The following FANK1 variants were observed in gnomAD, a reference collection of about 807,000 sequenced individuals.
FANK1 encodes fibronectin type 3 and ankyrin repeat domains protein 1.
FANK1 carries 44 observed loss-of-function variants against 45.3 expected under a neutral mutation model. The ratio of observed to expected loss-of-function variants is 0.97; its 90% CI spans 0.76 to 1.25. The LOEUF (loss-of-function observed/expected upper bound fraction) is 1.25. Among genes scored for constraint, FANK1 ranks in the 50% most tolerant of loss-of-function variants. FANK1 has a pLI of 0.00. For synonymous variants in FANK1, 149 were observed against 152.5 expected (o/e 0.98, Z 0.17); for missense variants, 391 against 424.4 (o/e 0.92, Z 0.69).
chr10:125,898,466 A>G, intron 1 of FANK1, among the ~76,000 whole-genome samples: 1 of 152,118 alleles, frequency 6.6e-6, no homozygotes, highest in African/African-American at 2.4e-5. Context: ...GGCTCCCAAG[A>G]GGAAGTAGTA....
rs1237418216 is a variant in FANK1, at chr10:125,983,516, TG to T, written c.191+3182del. Among the ~76,000 whole-genome samples, 1 of 152,016 alleles carries T rather than the reference TG, an allele frequency of 6.6e-6. No individual in the cohort carries two copies. The highest frequency in any genetic ancestry group is 1.5e-5 in the Non-Finnish European group (1 of 68,002). ...AGCAGCATAGGAAAAATTGAGGGCC[TG>T]GGGTAGAGGTGGGGAAGTCTTCACC... is the stretch of plus-strand genomic sequence containing the variant. On this transcript the variant is annotated intron_variant, in intron 2 of 10. Transcript: ENST00000368693. This position sits in a 1 kb window ranked among gnomAD's most constrained non-coding sequence, Gnocchi z 4.3.
chr10:125,988,733 A>G (rs1951730333), intron 3 of FANK1, 58 bp downstream of exon 3: 1 of 1,613,614 alleles, frequency 6.2e-7, no homozygotes, highest in Admixed American at 1.7e-5. Flanking sequence ...ATGACAAGCA[A>G]TTTAGAAAAA....
chr10:125,988,524 T>C (rs1314737622), intron 2 of FANK1, 27 bp from the exon 3 acceptor site: 2 of 1,610,412 alleles, frequency 1.2e-6, no homozygotes, highest in East Asian at 2.2e-5. Context: ...CCTGGTGTTA[T>C]CAGCATGTTT....
Position 125,980,405 on chromosome 10 carries a change from G to C in FANK1, c.191+67G>C. On this transcript the variant is annotated intron_variant, in intron 2 of 10. Transcript: ENST00000368693. ...CTGATTAGCTGGAATGATTTCTGTT[G>C]TCTCTAAAAAGCCACTGCTTGTTTC... The C allele has an allele frequency of 3.3e-6, 5 of 1,514,238 alleles. No homozygotes were observed. In the South Asian group the frequency reaches 6.4e-5, roughly 19 times the overall value. 93.8% of individuals were successfully genotyped at this position (1,514,238 alleles called of 1,614,324 possible). A position where few individuals can be genotyped will look rare whatever the true frequency, so the allele number is the denominator to read the frequency against.
chr10:125,919,870 G>A (rs926644275), intron 1 of FANK1, among the ~76,000 whole-genome samples: 2 of 151,184 alleles, frequency 1.3e-5, no homozygotes, highest in African/African-American at 2.4e-5. Flanking sequence ...CTGATTCCTC[G>A]TTTCACCAAA....
intron 6 of FANK1, among the ~76,000 whole-genome samples, chr10:126,002,553 C>T (rs1952845965): frequency 6.6e-6 from 1 of 152,164 alleles, no homozygotes. Context: ...GCCATCTCAG[C>T]TCGGCTGTGC....
intron 1 of FANK1, among the ~76,000 whole-genome samples, chr10:125,931,896 T>C (rs1277508238): frequency 6.6e-6 from 1 of 152,180 alleles, no homozygotes; most frequent in Non-Finnish European, 1.5e-5. Flanking sequence ...AGGTAAGAGA[T>C]AAGGATCCAG....
chr10:125,932,318 C>T (rs945290049), intron 1 of FANK1, among the ~76,000 whole-genome samples: 19 of 152,060 alleles, frequency 1.2e-4, no homozygotes, highest in African/African-American at 3.6e-4. Flanking sequence ...CAATATTGAT[C>T]GTACCCATCC....
intron 6 of FANK1, among the ~76,000 whole-genome samples, chr10:125,999,198 C>CTTT (rs34338283): frequency 8.0e-6 from 1 of 124,472 alleles, no homozygotes; most frequent in Admixed American, 8.2e-5. Flanking sequence ...TAAAAAGTAT[C>CTTT]TTTTTTTTTT....
At chr10:125,967,035 C>T (rs186582195) in intron 1 of FANK1, among the ~76,000 whole-genome samples, 2 of 152,206 alleles carry the variant, frequency 1.3e-5, no homozygotes, top group Non-Finnish European at 2.9e-5. Context: ...ATCTTCCACA[C>T]TTTTAATGAC....
At chr10:125,970,670 C>T (rs1950460544) in intron 1 of FANK1, among the ~76,000 whole-genome samples, 1 of 152,182 alleles carries the variant, frequency 6.6e-6, no homozygotes, top group Non-Finnish European at 1.5e-5. Flanking sequence ...AAAAACCAGT[C>T]AGGCGTGACA....
chr10:125,906,825 A>G (rs1343922353), intron 1 of FANK1, among the ~76,000 whole-genome samples: 2 of 152,120 alleles, frequency 1.3e-5, no homozygotes, highest in Non-Finnish European at 1.5e-5. Flanking sequence ...CTCTATTCAA[A>G]CATTGTACTT....
At chr10:125,943,536 A>C (rs1349868703) in intron 1 of FANK1, among the ~76,000 whole-genome samples, 1 of 152,096 alleles carries the variant, frequency 6.6e-6, no homozygotes, top group Non-Finnish European at 1.5e-5. Context: ...CCACTAATCT[A>C]CTTTGTCTGA....
At chr10:125,964,912 A>C (rs1481324899) in intron 1 of FANK1, among the ~76,000 whole-genome samples, 1 of 152,224 alleles carries the variant, frequency 6.6e-6, no homozygotes, top group East Asian at 1.9e-4. Flanking sequence ...GATGACCAGC[A>C]CTTTTGGAGG....
rs1025814667 is a variant in FANK1 at position 125,946,588 on chromosome 10, C to G, written c.14-33573C>G. 2.2e-3 allele frequency among the ~76,000 whole-genome samples: 327 copies of G among 151,176 alleles called. 1 individual carries two copies. The highest frequency in any genetic ancestry group is 3.4e-3 in the Admixed American group (51 of 15,218). On this transcript the variant is annotated intron_variant, in intron 1 of 10. Transcript: ENST00000368693. ...GAATAAAAATAAATGAGCAAAGCCT[C>G]CAAGAAATATGGGACTATGTGAAAA... is the stretch of plus-strand genomic sequence containing the variant.
intron 1 of FANK1, among the ~76,000 whole-genome samples, chr10:125,963,747 G>T (rs1194013254): frequency 1.3e-5 from 2 of 152,140 alleles, no homozygotes; most frequent in East Asian, 3.9e-4. Flanking sequence ...CTGTCATGGG[G>T]TGTGGGTAGG....
In FANK1 at chr10:126,005,027, G is replaced by A. The variant is rs774777671; in HGVS notation, c.683G>A (p.Trp228Ter). Reference protein sequence around the residue: ...ADGGHCSVIEWMIKDGCEVDV... With the variant: ...ADGGHCSVIE Reference sequence around the variant, plus strand: ...GGAGGCCACTGCAGTGTGATTGAGTGGATGATAAAGGATGGCTGTGAGGTA... The same window carrying A: ...GGAGGCCACTGCAGTGTGATTGAGTAGATGATAAAGGATGGCTGTGAGGTA... Residue 228 changes from tryptophan (W) to a stop codon, truncating the protein, a stop_gained, in exon 7 of 11, where the codon TGG (tryptophan) becomes TAG (stop). Coordinates refer to ENST00000368693, the MANE Select transcript of FANK1 (RefSeq NM_145235.5). LOFTEE classifies it high-confidence loss of function. 1.2e-6 allele frequency: 2 copies of A among 1,613,616 alleles called. No homozygotes were observed. Among genetic ancestry groups the A allele is most frequent in the Non-Finnish European group, 1.7e-6 (2 of 1,179,838 alleles).
chr10:125,996,404 C>T, intron 4 of FANK1, 146 bp from the exon 5 acceptor site: 1 of 652,554 alleles, frequency 1.5e-6, no homozygotes, highest in Non-Finnish European at 2.7e-6. Flanking sequence ...CAGTCTAAGA[C>T]AAGAAAAGAT....
At chr10:125,900,322 A>C (rs1318886501) in intron 1 of FANK1, among the ~76,000 whole-genome samples, 1 of 151,448 alleles carries the variant, frequency 6.6e-6, no homozygotes, top group Non-Finnish European at 1.5e-5. Flanking sequence ...TGGAAAACGT[A>C]CATCACTTCC....
Sources: gnomAD v4.1 joint callset for allele counts (sites outside exome capture counted in the v4.1 genomes callset) on GRCh38, gnomAD v4.1.1 for gene constraint, Gnocchi (gnomAD v3.1) non-coding constraint, MANE v1.5 for transcripts, NCBI Gene and HGNC (gene_info 2026-07-23, HGNC 2026-07-21) for gene names.